Variants in LRP1B observed in about 807,000 individuals in gnomAD.
LRP1B encodes LDL receptor related protein 1B.
Under a neutral mutation model 556.6 loss-of-function variants are expected in LRP1B, and 217 were observed. The ratio of observed to expected loss-of-function variants is 0.39; its 90% confidence interval spans 0.35 to 0.44. LRP1B has a LOEUF of 0.44. LRP1B is among the 20% of genes least tolerant of loss of function. The pLI is 1.00. For missense variants in LRP1B, 5,053 were observed against 5,620.8 expected, an observed-to-expected ratio of 0.90 and a Z score of 3.23; for synonymous variants, 2,047 against 1,865.8, an observed-to-expected ratio of 1.10 and a Z score of -2.50.
At chr2:140,452,832 T>C (rs1432270101) in intron 62 of LRP1B, among the ~76,000 whole-genome samples, 1 of 151,928 alleles carries the variant, frequency 6.6e-6, no homozygotes, top group Non-Finnish European at 1.5e-5. Context: ...AAAATATGAG[T>C]GTGAATTTTT....
intron 67 of LRP1B, among the ~76,000 whole-genome samples, chr2:140,382,043 T>C (rs1183559123): frequency 6.6e-6 from 1 of 152,052 alleles, no homozygotes; most frequent in Admixed American, 6.6e-5. Context: ...AAAAGTGGCT[T>C]TCAAAACCAT....
intron 1 of LRP1B, among the ~76,000 whole-genome samples, chr2:141,970,800 A>C (rs994122760): frequency 1.5e-4 from 23 of 151,526 alleles, no homozygotes; most frequent in Admixed American, 1.1e-3. Flanking sequence ...AGAAAGAAGA[A>C]AAAGTGAAGT....
chr2:140,386,549 A>G (rs1683767752), intron 66 of LRP1B, among the ~76,000 whole-genome samples: 1 of 152,192 alleles, frequency 6.6e-6, no homozygotes, highest in African/African-American at 2.4e-5. Flanking sequence ...AATGCTTCAC[A>G]TGTGTACAGA....
chr2:141,219,759 C>T (rs540977734), intron 6 of LRP1B, among the ~76,000 whole-genome samples: 1 of 152,150 alleles, frequency 6.6e-6, no homozygotes, highest in Non-Finnish European at 1.5e-5. Context: ...GTTCTGTAGC[C>T]TCCACTGGTG....
intron 87 of LRP1B, among the ~76,000 whole-genome samples, chr2:140,239,971 T>C (rs911923855): frequency 6.6e-6 from 1 of 150,938 alleles, no homozygotes; most frequent in Non-Finnish European, 1.5e-5. Flanking sequence ...CAGGGGTCCA[T>C]GTGACAAGTT....
At chr2:141,970,254 C>T (rs977075272) in intron 1 of LRP1B, among the ~76,000 whole-genome samples, 1 of 151,520 alleles carries the variant, frequency 6.6e-6, no homozygotes, top group East Asian at 1.9e-4. Flanking sequence ...TTATTGTTGA[C>T]ATTTTACATA....
chr2:141,037,895 C>G (rs753953634), intron 11 of LRP1B, among the ~76,000 whole-genome samples: 7 of 146,064 alleles, frequency 4.8e-5, no homozygotes, highest in Non-Finnish European at 7.6e-5. Context: ...TACACACACA[C>G]TCACATACAA....
At chr2:141,044,093 C>T (rs1402500695) in intron 11 of LRP1B, among the ~76,000 whole-genome samples, 2 of 151,768 alleles carry the variant, frequency 1.3e-5, no homozygotes, top group Non-Finnish European at 2.9e-5. Context: ...TGGAACAGAA[C>T]AGAGCCCTCA....
intron 83 of LRP1B, among the ~76,000 whole-genome samples, chr2:140,310,439 G>A (rs1429049202): frequency 2.1e-5 from 3 of 140,142 alleles, no homozygotes; most frequent in Non-Finnish European, 3.1e-5. Flanking sequence ...GGCCTGAATA[G>A]CCAAAGTAAT....
chr2:141,587,201 A>G (rs1687173186), intron 2 of LRP1B, among the ~76,000 whole-genome samples: 1 of 152,222 alleles, frequency 6.6e-6, no homozygotes, highest in African/African-American at 2.4e-5. Flanking sequence ...AAAAAAGTAT[A>G]TATGTGTCAT....
At chr2:140,262,710 A>AG (rs530318637) in intron 86 of LRP1B, among the ~76,000 whole-genome samples, 10 of 152,028 alleles carry the variant, frequency 6.6e-5, no homozygotes, top group African/African-American at 1.9e-4. Context: ...ATACTTCTAA[A>AG]GGGGGGGAGT....
At chr2:141,018,233 T>C (rs1025297181) in intron 12 of LRP1B, among the ~76,000 whole-genome samples, 27 of 152,064 alleles carry the variant, frequency 1.8e-4, no homozygotes, top group African/African-American at 6.5e-4. Flanking sequence ...TTGAATGTAA[T>C]TATCTGATGA....
Position 141,006,147 on chromosome 2 carries a change from A to G in LRP1B, c.2381-690T>C, listed in dbSNP as rs369615197. 1.6e-4 allele frequency among the ~76,000 whole-genome samples: 24 copies of G among 152,158 alleles called. No homozygotes were observed. The East Asian group carries it at 3.9e-3, about 25-fold the overall frequency. On this transcript the variant is annotated intron_variant, in intron 14 of 90. Transcript: ENST00000389484. ...AGGCACCCTTGCAGACTCTCAGATA[A>G]AATCGAGTAATTATTTTTAAATCGA...
chr2:140,968,781 T>C (rs1696317789), intron 18 of LRP1B, among the ~76,000 whole-genome samples: 1 of 152,246 alleles, frequency 6.6e-6, no homozygotes, highest in Middle Eastern at 3.2e-3. Context: ...CTTCATTTCG[T>C]TATGTACCTA....
intron 3 of LRP1B, among the ~76,000 whole-genome samples, chr2:141,413,923 G>A (rs1258389531): frequency 3.3e-5 from 5 of 150,254 alleles, no homozygotes; most frequent in African/African-American, 1.2e-4. Context: ...GAAGAGAACA[G>A]AAGAGAAGAG....
At chr2:141,715,670 C>T (rs766035279) in intron 2 of LRP1B, among the ~76,000 whole-genome samples, 1 of 151,946 alleles carries the variant, frequency 6.6e-6, no homozygotes, top group African/African-American at 2.4e-5. Context: ...CAAAAATTAG[C>T]TGGGCATTGT....
chr2:141,403,062 C>T (rs1690503667), intron 3 of LRP1B, among the ~76,000 whole-genome samples: 1 of 151,888 alleles, frequency 6.6e-6, no homozygotes, highest in Non-Finnish European at 1.5e-5. Flanking sequence ...TTTTAGACAA[C>T]AGTGATATAA....
intron 41 of LRP1B, among the ~76,000 whole-genome samples, chr2:140,646,498 G>A (rs1684490271): frequency 6.6e-6 from 1 of 152,100 alleles, no homozygotes; most frequent in African/African-American, 2.4e-5. Flanking sequence ...AACACACTTG[G>A]CAAAACCCAG....
intron 3 of LRP1B, among the ~76,000 whole-genome samples, chr2:141,295,460 G>A (rs546350509): frequency 1.2e-4 from 19 of 152,042 alleles, no homozygotes; most frequent in African/African-American, 4.6e-4. Flanking sequence ...TCTCAATTTA[G>A]GGAGGAAAAA....
Sources: allele counts gnomAD v4.1 joint callset (sites outside exome capture counted in the v4.1 genomes callset), GRCh38; gene constraint gnomAD v4.1.1; transcripts MANE v1.5; gene names NCBI Gene and HGNC (gene_info 2026-07-23, HGNC 2026-07-21).